WDR70: variants seen among roughly 807,000 people sequenced by gnomAD.
The protein encoded by WDR70 is WD repeat domain 70, also known as WD repeat-containing protein 70.
WDR70 carries 53 observed loss-of-function variants against 88.6 expected under a neutral mutation model. The observed-to-expected ratio is 0.60, with a 90% confidence interval of 0.48 to 0.75. WDR70 has a LOEUF of 0.75. Among genes scored for constraint, WDR70 ranks in the 30% least tolerant of loss-of-function variants. The probability of loss-of-function intolerance (pLI) is 0.00; values close to 1 mark genes in which losing one functional copy is unlikely to be tolerated. For synonymous variants in WDR70, 280 were observed against 270.0 expected, an observed-to-expected ratio of 1.04 and a Z score of -0.36; for missense variants, 610 against 823.2, an observed-to-expected ratio of 0.74 and a Z score of 3.17.
At chr5:37,548,316 CT>C (rs1048405715) in intron 9 of WDR70, among the ~76,000 whole-genome samples, 1 of 152,028 alleles carries the variant, frequency 6.6e-6, no homozygotes, top group Non-Finnish European at 1.5e-5. Flanking sequence ...TTGTTATTGC[CT>C]TTTGGATAAA....
At chr5:37,487,651 G>T (rs1196369615) in intron 8 of WDR70, among the ~76,000 whole-genome samples, 1 of 132,332 alleles carries the variant, frequency 7.6e-6, no homozygotes, top group Non-Finnish European at 1.5e-5. Flanking sequence ...TTTTGAGAGG[G>T]TGTCTGGTTC....
intron 13 of WDR70, among the ~76,000 whole-genome samples, chr5:37,716,937 C>G (rs919351772): frequency 1.3e-5 from 2 of 152,082 alleles, no homozygotes; most frequent in East Asian, 3.9e-4. Context: ...CTCTCTTTCT[C>G]CCCGGCCTAC....
chr5:37,398,488 CT>C (rs1237026346), intron 5 of WDR70, among the ~76,000 whole-genome samples: 2 of 152,140 alleles, frequency 1.3e-5, no homozygotes, highest in African/African-American at 4.8e-5. Flanking sequence ...AAAGCAACAG[CT>C]TTTGTAAATC....
intron 10 of WDR70, among the ~76,000 whole-genome samples, chr5:37,662,365 GT>G (rs139057720): frequency 6.7e-5 from 10 of 148,248 alleles, no homozygotes; most frequent in East Asian, 5.9e-4. Context: ...ACTTCAAGGA[GT>G]TTTTTTTTTA....
At chr5:37,723,278 G>T (rs16903703) in intron 15 of WDR70, 14,137 of 244,330 alleles carry the variant, frequency 0.058, 1,831 homozygotes, top group African/African-American at 0.28. Flanking sequence ...GGTTTGTCCA[G>T]TTCCACCACT....
intron 10 of WDR70, among the ~76,000 whole-genome samples, chr5:37,610,303 A>G (rs978588741): frequency 2.6e-5 from 4 of 151,200 alleles, no homozygotes; most frequent in Admixed American, 2.6e-4. Flanking sequence ...TTATGTAGAG[A>G]GAATTTGAAG....
In WDR70 at chr5:37,721,233, C is replaced by A. The variant is rs202063239; in HGVS notation, c.1517+18C>A. 48 of 1,607,236 alleles carry A rather than the reference C, an allele frequency of 3.0e-5. No homozygotes were observed. The Middle Eastern group carries it at 1.2e-3, about 39-fold the overall frequency. On this transcript the variant is annotated intron_variant, in intron 14 of 17. Coordinates refer to ENST00000265107, the MANE Select transcript of WDR70 (RefSeq NM_018034.4). ...AGTCAGAGGTATTTCATAAGTATTG[C>A]CTGTTTTAGATGGATGACAACAACT...
intron 17 of WDR70, among the ~76,000 whole-genome samples, chr5:37,750,213 T>C (rs868687167): frequency 7.2e-5 from 11 of 152,238 alleles, no homozygotes; most frequent in Admixed American, 1.3e-4. Context: ...CTCCTACGGA[T>C]ACTTTTGGAA....
intron 5 of WDR70, among the ~76,000 whole-genome samples, chr5:37,404,265 G>A (rs1376143018): frequency 6.6e-6 from 1 of 151,930 alleles, no homozygotes; most frequent in Non-Finnish European, 1.5e-5. Context: ...GGGGTCATAG[G>A]GTAACTTAGG....
chr5:37,606,668 A>G (rs1176150057), intron 10 of WDR70, among the ~76,000 whole-genome samples: 1 of 152,184 alleles, frequency 6.6e-6, no homozygotes, highest in African/African-American at 2.4e-5. Context: ...TCTTAAAGCC[A>G]TTCAGCTAAT....
chr5:37,611,772 G>C (rs10941352), intron 10 of WDR70, among the ~76,000 whole-genome samples: 1 of 140,968 alleles, frequency 7.1e-6, no homozygotes, highest in African/African-American at 2.7e-5. Context: ...AGATTATTTT[G>C]ATTTCAGCCT....
At chr5:37,412,363 G>A (rs2111959999) in intron 5 of WDR70, among the ~76,000 whole-genome samples, 1 of 152,224 alleles carries the variant, frequency 6.6e-6, no homozygotes, top group South Asian at 2.1e-4. Context: ...CTCCAGCCTG[G>A]GTGACAAGAG....
At chr5:37,606,289 A>T (rs1180152896) in intron 10 of WDR70, among the ~76,000 whole-genome samples, 1 of 152,098 alleles carries the variant, frequency 6.6e-6, no homozygotes, top group Non-Finnish European at 1.5e-5. Context: ...AGATCTTTTT[A>T]TTTCTGTTTT....
intron 17 of WDR70, among the ~76,000 whole-genome samples, chr5:37,731,276 C>T (rs1023418668): frequency 4.6e-5 from 7 of 152,082 alleles, no homozygotes; most frequent in Non-Finnish European, 8.8e-5. Context: ...TTGAGGCAAT[C>T]GAGGGGAAGC....
rs771375976 is a variant in WDR70, at chr5:37,514,356, A to ATATATATATATATATG, written c.841-2155_841-2154insATATATATATATGTAT. On this transcript the variant is annotated intron_variant, in intron 8 of 17. Coordinates refer to ENST00000265107, the MANE Select transcript of WDR70 (RefSeq NM_018034.4). ...TAGAACTACATATATATATATATAT[A>ATATATATATATATATG]TATGTATGTATGTATGTTTATGTAT... 7.3e-3 allele frequency among the ~76,000 whole-genome samples: 396 copies of ATATATATATATATATG among 54,402 alleles called. 28 individuals carry two copies. The highest frequency in any genetic ancestry group is 0.027 in the Admixed American group (104 of 3,914). 35.7% of individuals were successfully genotyped at this position (54,402 alleles called of 152,430 possible). A position where few individuals can be genotyped will look rare whatever the true frequency, so the allele number is the denominator to read the frequency against.
intron 8 of WDR70, among the ~76,000 whole-genome samples, chr5:37,480,439 T>C (rs1319690190): frequency 1.3e-5 from 2 of 152,208 alleles, no homozygotes; most frequent in Admixed American, 6.5e-5. Flanking sequence ...AGGTTAATTG[T>C]TTCACAGTTC....
intron 17 of WDR70, among the ~76,000 whole-genome samples, chr5:37,739,360 T>C (rs1748399916): frequency 6.6e-6 from 1 of 152,216 alleles, no homozygotes. Context: ...AGTCAATCCC[T>C]TTATAGGCTT....
chr5:37,621,228 A>G (rs541814305), intron 10 of WDR70, among the ~76,000 whole-genome samples: 1 of 152,276 alleles, frequency 6.6e-6, no homozygotes, highest in South Asian at 2.1e-4. Flanking sequence ...TACTTTTATA[A>G]TTCTTGTCAT....
chr5:37,410,423 G>A (rs1479832373), intron 5 of WDR70, among the ~76,000 whole-genome samples: 1 of 151,808 alleles, frequency 6.6e-6, no homozygotes. Flanking sequence ...TTAAAATTCT[G>A]TGTACCCTTT....
Sources: allele counts gnomAD v4.1 joint callset (sites outside exome capture counted in the v4.1 genomes callset), GRCh38; gene constraint gnomAD v4.1.1; transcripts MANE v1.5; gene names NCBI Gene and HGNC (gene_info 2026-07-23, HGNC 2026-07-21).